VTI1A: variants seen among roughly 807,000 people sequenced by gnomAD.
VTI1A encodes the protein vesicle transport through interaction with t-SNAREs 1A, also known as vesicle transport through interaction with t-SNAREs homolog 1A.
Under a neutral mutation model 34.9 loss-of-function variants are expected in VTI1A, and 22 were observed. The ratio of observed to expected loss-of-function variants is 0.63; its 90% CI spans 0.45 to 0.90. VTI1A has a LOEUF of 0.90. Ranked by LOEUF, VTI1A falls within the 40% of genes least tolerant of loss-of-function variation. The probability of loss-of-function intolerance (pLI) is 0.00; values close to 1 mark genes in which losing one functional copy is unlikely to be tolerated. For synonymous variants in VTI1A, 87 were observed against 97.3 expected (o/e 0.89, Z 0.62); for missense variants, 268 against 275.6 (o/e 0.97, Z 0.20).
intron 7 of VTI1A, among the ~76,000 whole-genome samples, chr10:112,736,111 G>GTATATATA (rs372188173): frequency 0.015 from 1,774 of 116,110 alleles, 73 homozygotes; most frequent in African/African-American, 0.057. Context: ...ATGTGTGTGT[G>GTATATATA]TATATATATA....
intron 5 of VTI1A, among the ~76,000 whole-genome samples, chr10:112,559,027 G>A (rs998301594): frequency 6.6e-6 from 1 of 152,192 alleles, no homozygotes; most frequent in South Asian, 2.1e-4. Context: ...GAATCTTGCT[G>A]TGCCAATGGG....
In VTI1A at chr10:112,817,649, C is replaced by T. The variant is rs893433200; in HGVS notation, c.*2266C>T. 8.7e-6 allele frequency: 2 copies of T among 229,074 alleles called. No homozygotes were observed. Among genetic ancestry groups the T allele is most frequent in the African/African-American group, 4.4e-5 (2 of 45,136 alleles). The allele number at this position is 229,074 out of a possible 1,614,324, so 14.2% of individuals were successfully genotyped here. A position where few individuals can be genotyped will look rare whatever the true frequency, so the allele number is the denominator to read the frequency against. The stretch of plus-strand genomic sequence containing the variant: ...TCAACTCCTTCCTGGTCCTCCTGGA[C>T]ACTGCAGAAAAGACTTAGGGGATCC... On this transcript the variant is annotated 3_prime_UTR_variant, in exon 8 of 8. Transcript: ENST00000393077.
intron 2 of VTI1A, among the ~76,000 whole-genome samples, chr10:112,463,342 A>G (rs912720608): frequency 1.3e-5 from 2 of 152,182 alleles, no homozygotes; most frequent in African/African-American, 4.8e-5. Context: ...TTAATCTAGC[A>G]ATTATCAAGT....
At chr10:112,754,985 G>T (rs556092203) in intron 7 of VTI1A, among the ~76,000 whole-genome samples, 1 of 152,160 alleles carries the variant, frequency 6.6e-6, no homozygotes, top group Non-Finnish European at 1.5e-5. Context: ...AGCTGGGCGC[G>T]GTGGCTCATG....
intron 5 of VTI1A, among the ~76,000 whole-genome samples, chr10:112,653,632 G>T (rs1486923375): frequency 6.6e-6 from 1 of 152,194 alleles, no homozygotes; most frequent in Admixed American, 6.5e-5. Context: ...ATTAAATACG[G>T]TATCCATTAA....
chr10:112,790,846 C>A (rs1334388769), intron 7 of VTI1A, among the ~76,000 whole-genome samples: 3 of 149,518 alleles, frequency 2.0e-5, no homozygotes, highest in African/African-American at 7.7e-5. Context: ...CTGGAAGTCC[C>A]CTGGTAGGAG....
chr10:112,786,815 A>G (rs1338001062), intron 7 of VTI1A, among the ~76,000 whole-genome samples: 1 of 152,138 alleles, frequency 6.6e-6, no homozygotes, highest in Non-Finnish European at 1.5e-5. Context: ...AACTTTATTA[A>G]TATGTTATAG....
At chr10:112,846,838 C>T in the VTI1A span, among the ~76,000 whole-genome samples, 1 of 151,830 alleles carries the variant, frequency 6.6e-6, no homozygotes, top group Non-Finnish European at 1.5e-5. Flanking sequence ...TTTTAATAGC[C>T]AAATTGTCTA....
intron 7 of VTI1A, chr10:112,736,889 A>T (rs1850500832): frequency 1.4e-6 from 1 of 736,998 alleles, no homozygotes; most frequent in East Asian, 2.7e-5. Context: ...TGCTGGTGGA[A>T]GTATTTATAG....
At chr10:112,552,517 G>A (rs946601353) in intron 5 of VTI1A, among the ~76,000 whole-genome samples, 2 of 151,914 alleles carry the variant, frequency 1.3e-5, no homozygotes, top group Non-Finnish European at 2.9e-5. Flanking sequence ...ACTAGTGTTA[G>A]CATAAGACTT....
chr10:112,520,664 TA>T, intron 3 of VTI1A, among the ~76,000 whole-genome samples: 1 of 149,266 alleles, frequency 6.7e-6, no homozygotes, highest in South Asian at 2.1e-4. Context: ...TATATATATA[TA>T]TATATATAAA....
rs567984255 is a variant in VTI1A, at chr10:112,616,321, A to G, written c.428-51897A>G. ...CACATATATATTTGTACACACATGT[A>G]CATGTGCACACACTCACACACAATG... On this transcript the variant is annotated intron_variant, in intron 5 of 7. Transcript: ENST00000393077. Among the ~76,000 whole-genome samples, 26 of 152,332 alleles carry G rather than the reference A, an allele frequency of 1.7e-4. No homozygotes were observed. In the East Asian group the frequency reaches 5.0e-3, roughly 29 times the overall value.
chr10:112,830,336 C>T, the VTI1A span, among the ~76,000 whole-genome samples: 8 of 151,560 alleles, frequency 5.3e-5, no homozygotes, highest in Admixed American at 5.3e-4. Flanking sequence ...ATTCCACTTC[C>T]CTCACTCCTT....
At chr10:112,690,270 A>G (rs1848569452) in intron 7 of VTI1A, among the ~76,000 whole-genome samples, 1 of 152,206 alleles carries the variant, frequency 6.6e-6, no homozygotes, top group Non-Finnish European at 1.5e-5. Context: ...TTCTCTTGGT[A>G]AATACTTAGG....
At position 112,679,657 on chromosome 10, in the gene VTI1A, C is replaced by T. The variant is rs879297560; in HGVS notation, c.560+10659C>T. ...AGAGGATTGAAGCAGTTTGGAATTA[C>T]GAAAACAAACAGCACCTTAGTTTCC... is the stretch of plus-strand genomic sequence containing the variant. On this transcript the variant is annotated intron_variant, in intron 7 of 7. Transcript: ENST00000393077. 2.9e-4 allele frequency among the ~76,000 whole-genome samples: 44 copies of T among 151,802 alleles called. No homozygotes were observed. The Middle Eastern group carries it at 0.01, about 35-fold the overall frequency.
chr10:112,623,407 T>G (rs141195924), intron 5 of VTI1A, among the ~76,000 whole-genome samples: 174 of 151,816 alleles, frequency 1.1e-3, no homozygotes, highest in Non-Finnish European at 2.1e-3. Context: ...AGATATATTT[T>G]TCTTTCTTCT....
intron 5 of VTI1A, among the ~76,000 whole-genome samples, chr10:112,593,795 G>A (rs1329409448): frequency 2.6e-5 from 4 of 152,000 alleles, no homozygotes; most frequent in East Asian, 1.9e-4. Flanking sequence ...GGAGTGCAGC[G>A]CCACAATCTC....
chr10:112,797,702 TTG>T (rs869306189), intron 7 of VTI1A, among the ~76,000 whole-genome samples: 4 of 68,996 alleles, frequency 5.8e-5, no homozygotes, highest in African/African-American at 9.5e-5. Context: ...TGAGGATTTT[TTG>T]TTTGTTTGTT....
At chr10:112,670,006 A>G (rs1336789149) in intron 7 of VTI1A, among the ~76,000 whole-genome samples, 1 of 152,136 alleles carries the variant, frequency 6.6e-6, no homozygotes, top group Admixed American at 6.6e-5. Context: ...ATAATGTGAC[A>G]TTTCCCCTCA....
Sources: allele counts gnomAD v4.1 joint callset (sites outside exome capture counted in the v4.1 genomes callset), GRCh38; gene constraint gnomAD v4.1.1; transcripts MANE v1.5; gene names NCBI Gene and HGNC (gene_info 2026-07-23, HGNC 2026-07-21).